GPC5: variants seen among roughly 807,000 people sequenced by gnomAD.
GPC5 encodes glypican 5.
A neutral mutation model predicts 53.9 loss-of-function variants in GPC5; 47 were observed. That is an observed-to-expected ratio of 0.87 (90% CI 0.69 to 1.11). The LOEUF (loss-of-function observed/expected upper bound fraction) is 1.11. Among genes scored for constraint, GPC5 ranks in the 50% most tolerant of loss-of-function variants. The pLI, the probability that GPC5 is intolerant of heterozygous loss-of-function variation, is 0.00. For missense variants in GPC5, 748 were observed against 713.1 expected (o/e 1.05, Z -0.56); for synonymous variants, 286 against 263.3 (o/e 1.09, Z -0.84).
chr13:91,766,976 GTTATTGT>G (rs2037538209), intron 5 of GPC5, among the ~76,000 whole-genome samples: 1 of 152,170 alleles, frequency 6.6e-6, no homozygotes, highest in Non-Finnish European at 1.5e-5. Context: ...GTTAAATCAT[GTTATTGT>G]TAAATAAAAT....
chr13:91,695,451 G>T (rs1379705423), intron 3 of GPC5, among the ~76,000 whole-genome samples: 1 of 152,072 alleles, frequency 6.6e-6, no homozygotes, highest in Non-Finnish European at 1.5e-5. Flanking sequence ...TCAGCTCACT[G>T]CAAGCTCCGC....
intron 2 of GPC5, 123 bp from the exon 3 acceptor site, chr13:91,693,064 G>A (rs972143514): frequency 1.7e-5 from 12 of 726,164 alleles, no homozygotes; most frequent in Non-Finnish European, 2.5e-5. Context: ...TGGTTGAGTA[G>A]GCTGAGAGTT....
At chr13:92,038,540 A>T (rs1048992219) in intron 6 of GPC5, among the ~76,000 whole-genome samples, 2 of 149,902 alleles carry the variant, frequency 1.3e-5, no homozygotes, top group Admixed American at 1.3e-4. Context: ...AACTATATAT[A>T]TTCCTATATT....
chr13:92,205,034 A>G (rs963765558), intron 7 of GPC5, among the ~76,000 whole-genome samples: 5 of 151,970 alleles, frequency 3.3e-5, no homozygotes, highest in African/African-American at 1.2e-4. Context: ...GCCCGCCACC[A>G]CACCTGGCTA....
At chr13:92,470,354 A>C (rs1057330007) in intron 7 of GPC5, among the ~76,000 whole-genome samples, 2 of 152,098 alleles carry the variant, frequency 1.3e-5, no homozygotes, top group East Asian at 3.9e-4. Context: ...CACGATATTG[A>C]CTTTCTTTTT....
chr13:92,800,939 C>T (rs1432161539), intron 7 of GPC5, among the ~76,000 whole-genome samples: 1 of 150,976 alleles, frequency 6.6e-6, no homozygotes. Context: ...GTTGTGTCAA[C>T]AGATATTACA....
intron 6 of GPC5, among the ~76,000 whole-genome samples, chr13:92,068,311 T>C (rs1474138107): frequency 1.3e-5 from 2 of 152,024 alleles, no homozygotes; most frequent in Admixed American, 6.6e-5. Flanking sequence ...TATAAAATTT[T>C]ATTTTATAAT....
chr13:91,622,750 C>T, intron 2 of GPC5, among the ~76,000 whole-genome samples: 1 of 151,982 alleles, frequency 6.6e-6, no homozygotes, highest in South Asian at 2.1e-4. Flanking sequence ...GTGGTTGAGG[C>T]ATGTTTGAAG....
At chr13:92,119,460 G>A (rs35478880) in intron 6 of GPC5, among the ~76,000 whole-genome samples, 6,747 of 139,884 alleles carry the variant, frequency 0.048, 214 homozygotes, top group Non-Finnish European at 0.074. Flanking sequence ...GTGCAGTGGC[G>A]CGATCTCGGC....
chr13:92,056,958 C>T (rs2138846802), intron 6 of GPC5, among the ~76,000 whole-genome samples: 1 of 152,132 alleles, frequency 6.6e-6, no homozygotes, highest in Admixed American at 6.5e-5. Context: ...TGCTAAATAC[C>T]CTGTAAAGAC....
intron 6 of GPC5, among the ~76,000 whole-genome samples, chr13:92,031,777 A>ATAATATATTACATATTATATATAATATG: frequency 1.0e-5 from 1 of 98,180 alleles, no homozygotes; most frequent in South Asian, 2.4e-4. Context: ...TATATAATAT[A>ATAATATATTACATATTATATATAATATG]TAATATATTA....
intron 4 of GPC5, among the ~76,000 whole-genome samples, chr13:91,750,779 C>T (rs1319980008): frequency 6.7e-6 from 1 of 150,308 alleles, no homozygotes; most frequent in Non-Finnish European, 1.5e-5. Flanking sequence ...CTCCCGGCCT[C>T]AGCCTCCCGA....
intron 7 of GPC5, among the ~76,000 whole-genome samples, chr13:92,228,310 TAAA>T: frequency 6.6e-6 from 1 of 151,914 alleles, no homozygotes; most frequent in Non-Finnish European, 1.5e-5. Context: ...AACAAAAATA[TAAA>T]TAAAAAGAAA....
At chr13:91,535,429 C>CT (rs1344258172) in intron 2 of GPC5, among the ~76,000 whole-genome samples, 14 of 152,300 alleles carry the variant, frequency 9.2e-5, no homozygotes, top group Admixed American at 7.2e-4. Context: ...GATTGCCTGT[C>CT]TTCTTGTCTG....
At chr13:91,946,254 A>AT (rs912872592) in intron 6 of GPC5, among the ~76,000 whole-genome samples, 12 of 151,580 alleles carry the variant, frequency 7.9e-5, no homozygotes, top group East Asian at 3.9e-4. Flanking sequence ...TTTTGTGGGG[A>AT]TTTTTTTTCC....
chr13:92,413,539 G>C (rs1025567969), intron 7 of GPC5, among the ~76,000 whole-genome samples: 2 of 152,052 alleles, frequency 1.3e-5, no homozygotes, highest in African/African-American at 4.8e-5. Context: ...TTCCATTTTC[G>C]TAAACCAAAT....
chr13:91,796,490 C>T (rs2038049785), intron 5 of GPC5, among the ~76,000 whole-genome samples: 1 of 152,146 alleles, frequency 6.6e-6, no homozygotes, highest in East Asian at 1.9e-4. Flanking sequence ...AGGAGGGGAC[C>T]CAAAAGGGGT....
intron 5 of GPC5, among the ~76,000 whole-genome samples, chr13:91,836,850 T>G (rs1299483377): frequency 6.6e-6 from 1 of 151,484 alleles, no homozygotes; most frequent in Non-Finnish European, 1.5e-5. Context: ...ACCTTAAAAG[T>G]ATAATTATGC....
At chr13:92,429,001 TG>T (rs1036922061) in intron 7 of GPC5, among the ~76,000 whole-genome samples, 5 of 152,026 alleles carry the variant, frequency 3.3e-5, no homozygotes, top group Admixed American at 6.6e-5. Flanking sequence ...TGGCTAGCTT[TG>T]GGGGGACAAA....
Sources: gnomAD v4.1 joint callset for allele counts (sites outside exome capture counted in the v4.1 genomes callset) on GRCh38, gnomAD v4.1.1 for gene constraint, MANE v1.5 for transcripts, NCBI Gene and HGNC (gene_info 2026-07-23, HGNC 2026-07-21) for gene names.